Variants in FER observed in about 807,000 individuals in gnomAD.
The protein encoded by FER is FER tyrosine kinase.
In FER, 63 loss-of-function variants were observed where a neutral mutation model predicts 111.0. The observed-to-expected ratio is 0.57, with a 90% CI of 0.46 to 0.70. The LOEUF (loss-of-function observed/expected upper bound fraction) is 0.70, where lower values mean the gene tolerates loss of function less well. FER is among the 30% of genes least tolerant of loss of function. The pLI is 0.00. For synonymous variants in FER, 327 were observed against 313.9 expected, an observed-to-expected ratio of 1.04 and a Z score of -0.44; for missense variants, 914 against 954.0, an observed-to-expected ratio of 0.96 and a Z score of 0.55.
chr5:108,952,593 A>G (rs1757917761), intron 11 of FER, among the ~76,000 whole-genome samples: 1 of 138,734 alleles, frequency 7.2e-6, no homozygotes. Flanking sequence ...CTACCTACAA[A>G]GGAACTAAGA....
At chr5:109,184,968 A>G (rs1225683537) in intron 18 of FER, among the ~76,000 whole-genome samples, 1 of 152,248 alleles carries the variant, frequency 6.6e-6, no homozygotes, top group East Asian at 1.9e-4. Context: ...TGAGGGATAG[A>G]AAATGAAATA....
intron 10 of FER, among the ~76,000 whole-genome samples, chr5:108,930,125 A>G (rs1256710174): frequency 6.6e-6 from 1 of 152,056 alleles, no homozygotes; most frequent in Non-Finnish European, 1.5e-5. Context: ...AATTGCAGAT[A>G]TTAACACATT....
intron 10 of FER, among the ~76,000 whole-genome samples, chr5:108,937,652 T>C (rs1175803032): frequency 6.6e-6 from 1 of 151,624 alleles, no homozygotes; most frequent in East Asian, 1.9e-4. Context: ...TGGAGGATAG[T>C]GTGGTAGGGG....
intron 17 of FER, among the ~76,000 whole-genome samples, chr5:109,145,201 A>T (rs1009813870): frequency 3.3e-5 from 5 of 152,042 alleles, no homozygotes; most frequent in African/African-American, 9.7e-5. Context: ...AATGTTGCAC[A>T]TGCATAAAGT....
chr5:108,792,011 T>C (rs1755435261), intron 2 of FER, among the ~76,000 whole-genome samples: 1 of 152,244 alleles, frequency 6.6e-6, no homozygotes. Flanking sequence ...GATTTGCATT[T>C]GGCCCCTCTA....
intron 10 of FER, among the ~76,000 whole-genome samples, chr5:108,904,113 T>G (rs1750418811): frequency 6.8e-6 from 1 of 147,496 alleles, no homozygotes; most frequent in Non-Finnish European, 1.5e-5. Context: ...ATTTATTGAA[T>G]GTCAGGTGTC....
chr5:108,794,943 ATC>A (rs1755843398), intron 2 of FER, among the ~76,000 whole-genome samples: 1 of 152,086 alleles, frequency 6.6e-6, no homozygotes, highest in South Asian at 2.1e-4. Flanking sequence ...GTTTGGAAAG[ATC>A]TCTGTTATTA....
At chr5:108,924,382 AT>A (rs1753454671) in intron 10 of FER, among the ~76,000 whole-genome samples, 1 of 147,900 alleles carries the variant, frequency 6.8e-6, no homozygotes, top group African/African-American at 2.5e-5. Context: ...AAAAAAAAAA[AT>A]CAAGTAGAAC....
At chr5:108,762,714 G>A (rs533104091) in intron 1 of FER, among the ~76,000 whole-genome samples, 2 of 152,206 alleles carry the variant, frequency 1.3e-5, no homozygotes, top group Admixed American at 1.3e-4. Context: ...CCCTCATGCG[G>A]GATTTTTTTA....
At chr5:108,954,061 T>C (rs1758111631) in intron 11 of FER, among the ~76,000 whole-genome samples, 1 of 152,140 alleles carries the variant, frequency 6.6e-6, no homozygotes, top group South Asian at 2.1e-4. Context: ...ACCATGCTCA[T>C]GGTTTATAAC....
At chr5:108,916,437 T>C (rs1485940939) in intron 10 of FER, among the ~76,000 whole-genome samples, 1 of 150,830 alleles carries the variant, frequency 6.6e-6, no homozygotes, top group Non-Finnish European at 1.5e-5. Flanking sequence ...CTTAATAATT[T>C]GGGTACCCCC....
chr5:108,830,706 T>C (rs1214877246), intron 3 of FER: 1 of 152,114 alleles, frequency 6.6e-6, no homozygotes, highest in Non-Finnish European at 1.5e-5. Context: ...GGATTTGTGA[T>C]TGACTTTGGA....
In FER at chr5:109,038,150, A is replaced by T. The variant is rs1770655302; in HGVS notation, c.1713+672A>T. Among the ~76,000 whole-genome samples the T allele has an allele frequency of 2.0e-5, 3 of 151,916 alleles. No individual in the cohort carries two copies. The South Asian group carries it at 6.2e-4, about 31-fold the overall frequency. Reference sequence around the variant, plus strand: ...AGATACTTGAGAATTAACCAAATGGACTATTTGAAAATTTATTAATAACTT... The same window carrying T: ...AGATACTTGAGAATTAACCAAATGGTCTATTTGAAAATTTATTAATAACTT... On this transcript the variant is annotated intron_variant, in intron 14 of 19. Transcript: ENST00000281092.
intron 17 of FER, among the ~76,000 whole-genome samples, chr5:109,152,025 A>G (rs1489098909): frequency 6.6e-6 from 1 of 152,120 alleles, no homozygotes; most frequent in East Asian, 1.9e-4. Context: ...TAGATAGTCA[A>G]GGTATTTTAT....
chr5:108,791,094 G>A (rs1240090633), intron 2 of FER, among the ~76,000 whole-genome samples: 1 of 152,200 alleles, frequency 6.6e-6, no homozygotes, highest in Non-Finnish European at 1.5e-5. Context: ...TGTGAATAAT[G>A]TTGCTTCAAA....
At chr5:109,055,866 A>C (rs1027080537) in intron 16 of FER, among the ~76,000 whole-genome samples, 5 of 148,800 alleles carry the variant, frequency 3.4e-5, no homozygotes, top group African/African-American at 7.5e-5. Flanking sequence ...AAAAAAAAAA[A>C]CCCAAAAAAC....
At chr5:108,984,521 TATCCC>T (rs2149729704) in intron 13 of FER, among the ~76,000 whole-genome samples, 1 of 151,958 alleles carries the variant, frequency 6.6e-6, no homozygotes, top group Admixed American at 6.6e-5. Context: ...AAATTATTCT[TATCCC>T]AAACATGATG....
intron 16 of FER, among the ~76,000 whole-genome samples, chr5:109,055,145 C>T (rs1225337715): frequency 6.6e-6 from 1 of 152,046 alleles, no homozygotes; most frequent in Non-Finnish European, 1.5e-5. Flanking sequence ...CTTATTTATA[C>T]CATACACAAA....
chr5:108,764,543 A>T (rs537232122), intron 1 of FER, among the ~76,000 whole-genome samples: 2 of 152,104 alleles, frequency 1.3e-5, no homozygotes, highest in East Asian at 3.9e-4. Context: ...GATTACAGGC[A>T]TGCGCCACCA....
Sources: allele counts gnomAD v4.1 joint callset (sites outside exome capture counted in the v4.1 genomes callset), GRCh38; gene constraint gnomAD v4.1.1; transcripts MANE v1.5; gene names NCBI Gene and HGNC (gene_info 2026-07-23, HGNC 2026-07-21).